Variants in GPC6 observed in about 807,000 individuals in gnomAD.
GPC6 encodes the protein glypican-6.
A neutral mutation model predicts 55.2 loss-of-function variants in GPC6; 14 were observed. The ratio of observed to expected loss-of-function variants is 0.25; its 90% confidence interval spans 0.17 to 0.40. GPC6 has a LOEUF of 0.40. Ranked by LOEUF, GPC6 falls within the 10% of genes least tolerant of loss-of-function variation. The pLI is 1.00. For synonymous variants in GPC6, 278 were observed against 259.6 expected (o/e 1.07, Z -0.68); for missense variants, 641 against 708.5 (o/e 0.90, Z 1.08).
chr13:94,354,768 G>T (rs984744053), intron 6 of GPC6, among the ~76,000 whole-genome samples: 1 of 152,238 alleles, frequency 6.6e-6, no homozygotes, highest in Non-Finnish European at 1.5e-5. Flanking sequence ...AAACCAAGCT[G>T]CAAGGCAGAG....
At chr13:93,596,185 C>T (rs1877719147) in intron 2 of GPC6, among the ~76,000 whole-genome samples, 1 of 152,144 alleles carries the variant, frequency 6.6e-6, no homozygotes, top group South Asian at 2.1e-4. Flanking sequence ...AGGCCAGAGG[C>T]TTAAATGCCA....
chr13:93,497,709 A>T (rs1319483658), intron 1 of GPC6, among the ~76,000 whole-genome samples: 1 of 152,256 alleles, frequency 6.6e-6, no homozygotes, highest in African/African-American at 2.4e-5. Context: ...TAGTTGAGAA[A>T]CAGAACTGGC....
At chr13:93,847,194 C>A (rs1344488894) in intron 3 of GPC6, among the ~76,000 whole-genome samples, 1 of 152,044 alleles carries the variant, frequency 6.6e-6, no homozygotes, top group African/African-American at 2.4e-5. Context: ...AGGAAGGTTG[C>A]AAGTCATCAT....
intron 1 of GPC6, among the ~76,000 whole-genome samples, chr13:93,423,734 G>A (rs989684740): frequency 2.6e-5 from 4 of 152,230 alleles, no homozygotes; most frequent in African/African-American, 7.2e-5. Context: ...ACTAATGGAG[G>A]TGTGATCATT....
intron 2 of GPC6, among the ~76,000 whole-genome samples, chr13:93,606,568 T>C (rs1358974396): frequency 1.3e-5 from 2 of 152,196 alleles, no homozygotes; most frequent in African/African-American, 4.8e-5. Context: ...AAGTTAACCA[T>C]AGGACAGTGC....
At chr13:93,974,371 G>A (rs971019459) in intron 3 of GPC6, among the ~76,000 whole-genome samples, 3 of 152,112 alleles carry the variant, frequency 2.0e-5, no homozygotes, top group Non-Finnish European at 4.4e-5. Flanking sequence ...ATCCAGAAAT[G>A]CAGAAATGAT....
In GPC6 at chr13:94,055,123, G is replaced by T. The variant is rs192382256; in HGVS notation, c.877+27229G>T. On this transcript the variant is annotated intron_variant, in intron 4 of 8. Transcript: ENST00000377047. ...TGACAGGGAAGGAAGCTGGTCTTCAGATTGTTGACTGTTAGCCCCACACCT... is the reference window on the plus strand; with the variant it reads ...TGACAGGGAAGGAAGCTGGTCTTCATATTGTTGACTGTTAGCCCCACACCT... Among the ~76,000 whole-genome samples the T allele has an allele frequency of 2.0e-5, 3 of 152,338 alleles. 1 individual carries two copies. Among genetic ancestry groups the T allele is most frequent in the Non-Finnish European group, 2.9e-5 (2 of 68,026 alleles).
chr13:94,043,586 A>G (rs899291646), intron 4 of GPC6, among the ~76,000 whole-genome samples: 3 of 151,862 alleles, frequency 2.0e-5, no homozygotes, highest in African/African-American at 4.8e-5. Flanking sequence ...GTATATGTAT[A>G]TATCTGTCTG....
intron 2 of GPC6, among the ~76,000 whole-genome samples, chr13:93,735,532 A>AAAG (rs1217881656): frequency 3.9e-5 from 6 of 152,032 alleles, no homozygotes; most frequent in African/African-American, 1.4e-4. Flanking sequence ...AAAAAAAAAA[A>AAAG]AAGAAGAAGA....
intron 1 of GPC6, among the ~76,000 whole-genome samples, chr13:93,388,939 A>T (rs1316385734): frequency 6.6e-6 from 1 of 152,122 alleles, no homozygotes; most frequent in Non-Finnish European, 1.5e-5. Flanking sequence ...TAAACCAGTG[A>T]TTCATACCTC....
intron 1 of GPC6, among the ~76,000 whole-genome samples, chr13:93,368,896 C>T (rs1881356670): frequency 6.6e-6 from 1 of 152,078 alleles, no homozygotes; most frequent in African/African-American, 2.4e-5. Flanking sequence ...CCCAGTTCCC[C>T]AGTGGGTTCA....
In GPC6 at chr13:93,981,749, A is replaced by G. The variant is rs193093537; in HGVS notation, c.712-45980A>G. Among the ~76,000 whole-genome samples, 629 of 152,254 alleles carry G rather than the reference A, an allele frequency of 4.1e-3. 7 individuals carry two copies. The highest frequency in any genetic ancestry group is 0.015 in the African/African-American group (604 of 41,546). On this transcript the variant is annotated intron_variant, in intron 3 of 8. Transcript: ENST00000377047. Reference sequence around the variant, plus strand: ...AATGCATTCTTCCATTATGCTCCAAATCATTTCACAGTGTCATGTGTTTGT... The same window carrying G: ...AATGCATTCTTCCATTATGCTCCAAGTCATTTCACAGTGTCATGTGTTTGT...
intron 4 of GPC6, among the ~76,000 whole-genome samples, chr13:94,118,381 C>A (rs1442234285): frequency 6.6e-6 from 1 of 152,052 alleles, no homozygotes; most frequent in African/African-American, 2.4e-5. Flanking sequence ...CCTGAGGTCT[C>A]CCCAGCCGTA....
chr13:94,125,496 A>G (rs1381813352), intron 4 of GPC6, among the ~76,000 whole-genome samples: 1 of 152,138 alleles, frequency 6.6e-6, no homozygotes, highest in Non-Finnish European at 1.5e-5. Context: ...TTTAGGGAAA[A>G]AGGCTTTTAA....
At chr13:93,359,683 G>A (rs1442838853) in intron 1 of GPC6, among the ~76,000 whole-genome samples, 5 of 152,104 alleles carry the variant, frequency 3.3e-5, no homozygotes, top group Admixed American at 2.6e-4. Flanking sequence ...ATTCAAAATG[G>A]TACTGCTAAT....
chr13:93,993,880 A>T (rs115572707), intron 3 of GPC6, among the ~76,000 whole-genome samples: 65 of 152,340 alleles, frequency 4.3e-4, no homozygotes, highest in African/African-American at 1.4e-3. Context: ...TGTACAAAAA[A>T]GTACAGGAAA....
intron 4 of GPC6, among the ~76,000 whole-genome samples, chr13:94,111,476 A>T (rs1412818539): frequency 3.5e-4 from 2 of 5,636 alleles, no homozygotes; most frequent in East Asian, 7.0e-3. Context: ...AAGTAAATAT[A>T]ATAATAATAA....
intron 3 of GPC6, among the ~76,000 whole-genome samples, chr13:93,972,903 TTC>T (rs142791637): frequency 1.2e-4 from 17 of 140,812 alleles, no homozygotes; most frequent in Middle Eastern, 3.7e-3. Context: ...GTCTCTCTCT[TTC>T]TCTCTCTCTC....
chr13:93,251,426 TTG>T (rs1179615567), intron 1 of GPC6, among the ~76,000 whole-genome samples: 2 of 152,198 alleles, frequency 1.3e-5, no homozygotes, highest in Non-Finnish European at 2.9e-5. Context: ...TTTAAAGTAT[TTG>T]TAAAACATTA....
Sources: gnomAD v4.1 joint callset for allele counts (sites outside exome capture counted in the v4.1 genomes callset) on GRCh38, gnomAD v4.1.1 for gene constraint, MANE v1.5 for transcripts, NCBI Gene and HGNC (gene_info 2026-07-23, HGNC 2026-07-21) for gene names.